Variants in RPP30 observed in about 807,000 individuals in gnomAD.
RPP30 encodes ribonuclease P protein subunit p30.
Under a neutral mutation model 38.6 loss-of-function variants are expected in RPP30, and 36 were observed. The observed-to-expected ratio is 0.93, with a 90% CI of 0.71 to 1.23. The LOEUF (loss-of-function observed/expected upper bound fraction) is 1.23. Among genes scored for constraint, RPP30 ranks in the 50% most tolerant of loss-of-function variants. The pLI is 0.00. For synonymous variants in RPP30, 126 were observed against 112.7 expected (o/e 1.12, Z -0.75); for missense variants, 321 against 321.7 (o/e 1.00, Z 0.02).
At chr10:90,905,838 T>C (rs1333004421), downstream of RPP30, 2 of 152,226 alleles carry the variant, frequency 1.3e-5, no homozygotes, top group Non-Finnish European at 2.9e-5. Flanking sequence ...AATAACTGGT[T>C]AATTATAAAG....
At chr10:90,904,898 A>C (rs912444329), downstream of RPP30, among the ~76,000 whole-genome samples, 4 of 152,208 alleles carry the variant, frequency 2.6e-5, no homozygotes, top group African/African-American at 9.6e-5. Context: ...TTTAGGAAAA[A>C]ACTAAGTCAA....
At chr10:90,904,808 T>C (rs550918885), downstream of RPP30, among the ~76,000 whole-genome samples, 2 of 152,078 alleles carry the variant, frequency 1.3e-5, no homozygotes, top group Admixed American at 6.5e-5. Flanking sequence ...TGAGACTCTG[T>C]CTAAAAAAAA....
chr10:90,889,771 G>A lies in RPP30; in HGVS notation c.432+3870G>A, dbSNP rs1847051381. On this transcript the variant is annotated intron_variant, in intron 6 of 10. Transcript: ENST00000371703. ...CTATAGCATACCAAACACTCCATTT[G>A]TGTACTTTGCAGCTCTTTTCCCTTT... is the stretch of plus-strand genomic sequence containing the variant. 2.6e-5 allele frequency among the ~76,000 whole-genome samples: 4 copies of A among 152,146 alleles called. No homozygotes were observed. The South Asian group carries it at 6.2e-4, about 24-fold the overall frequency.
downstream of RPP30, among the ~76,000 whole-genome samples, chr10:90,904,420 C>T (rs1847232101): frequency 6.6e-6 from 1 of 152,178 alleles, no homozygotes; most frequent in African/African-American, 2.4e-5. Flanking sequence ...CTCTCTGTGC[C>T]TCGCTTCATC....
chr10:90,896,442 C>T, intron 10 of RPP30, 50 bp downstream of exon 10: 2 of 1,437,958 alleles, frequency 1.4e-6, no homozygotes, highest in Non-Finnish European at 9.8e-7. Context: ...AAAAGCAAGT[C>T]ATTTTTACAG....
downstream of RPP30, among the ~76,000 whole-genome samples, chr10:90,903,679 A>C (rs1382680769): frequency 1.3e-5 from 2 of 152,222 alleles, no homozygotes; most frequent in Admixed American, 6.5e-5. Context: ...GTTAGAATGA[A>C]CCACTAATTT....
In RPP30 at chr10:90,885,803, T is replaced by C; in HGVS notation, c.343-9T>C. On this transcript the variant is annotated splice_polypyrimidine_tract_variant and intron_variant, in intron 5 of 10. Coordinates refer to ENST00000371703, the MANE Select transcript of RPP30 (RefSeq NM_006413.5). ...CTTTTGGCCTTACCTATTTTTTTCT[T>C]CTTTACAGATTGCTTGCACACATTT... 1 of 1,601,944 alleles carries C rather than the reference T, an allele frequency of 6.2e-7. No individual in the cohort carries two copies. Among genetic ancestry groups the C allele is most frequent in the South Asian group, 1.1e-5 (1 of 89,804 alleles).
At chr10:90,903,041 A>G (rs1322252788), downstream of RPP30, 2 of 646,872 alleles carry the variant, frequency 3.1e-6, no homozygotes, top group Non-Finnish European at 5.6e-6. Context: ...CGGGAAAACT[A>G]AGTCAACACT....
rs1330938824 is a variant in RPP30, at chr10:90,875,072, G to A, written c.138+148G>A. 63 of 491,162 alleles carry A rather than the reference G, an allele frequency of 1.3e-4. 1 individual carries two copies. The highest frequency in any genetic ancestry group is 2.0e-5 in the African/African-American group (1 of 50,178). 30.4% of individuals were successfully genotyped at this position (491,162 alleles called of 1,614,324 possible). A position where few individuals can be genotyped will look rare whatever the true frequency, so the allele number is the denominator to read the frequency against. ...TTTTCTATTTTATATAGAAACAGTC[G>A]AGCTGATGCATATTTATACAATGAT... is the stretch of plus-strand genomic sequence containing the variant. On this transcript the variant is annotated intron_variant, in intron 2 of 10. Coordinates refer to ENST00000371703, the MANE Select transcript of RPP30 (RefSeq NM_006413.5).
intron 6 of RPP30, among the ~76,000 whole-genome samples, chr10:90,893,134 A>G (rs1186698018): frequency 6.6e-6 from 1 of 152,244 alleles, no homozygotes; most frequent in Non-Finnish European, 1.5e-5. Context: ...TAACCAAACT[A>G]GAATCAGACA....
At chr10:90,875,052 T>C (rs2120180945) in intron 2 of RPP30, 128 bp downstream of exon 2, 1 of 514,012 alleles carries the variant, frequency 1.9e-6, no homozygotes, top group East Asian at 3.2e-5. Context: ...ACTACTTTTC[T>C]ATTTTATATA....
intron 6 of RPP30, among the ~76,000 whole-genome samples, chr10:90,889,694 G>A (rs114196707): frequency 6.6e-6 from 1 of 152,262 alleles, no homozygotes; most frequent in African/African-American, 2.4e-5. Context: ...CAGATGCCAT[G>A]TGAGAATCAT....
chr10:90,877,353 T>G (rs1846866342), intron 4 of RPP30, among the ~76,000 whole-genome samples: 1 of 151,730 alleles, frequency 6.6e-6, no homozygotes, highest in South Asian at 2.1e-4. Context: ...CAATTAAAGA[T>G]GGTGCTTTGG....
downstream of RPP30, among the ~76,000 whole-genome samples, chr10:90,906,547 AGAGT>A (rs1847256514): frequency 1.3e-5 from 2 of 152,196 alleles, no homozygotes; most frequent in African/African-American, 4.8e-5. Flanking sequence ...TTGAAAGAGG[AGAGT>A]GAGTTGATCA....
intron 1 of RPP30, among the ~76,000 whole-genome samples, 181 bp from the exon 2 acceptor site, chr10:90,874,688 T>C (rs1846827571): frequency 6.6e-6 from 1 of 152,202 alleles, no homozygotes; most frequent in African/African-American, 2.4e-5. Context: ...AAACTTCATG[T>C]TAAGTAACTT....
intron 6 of RPP30, among the ~76,000 whole-genome samples, chr10:90,891,237 G>C (rs1847078317): frequency 6.6e-6 from 1 of 152,108 alleles, no homozygotes; most frequent in Non-Finnish European, 1.5e-5. Context: ...TTTAGCTTTT[G>C]GTGATTTTCT....
At chr10:90,895,400 A>G in intron 7 of RPP30, 54 bp from the exon 8 acceptor site, 2 of 1,019,254 alleles carry the variant, frequency 2.0e-6, no homozygotes, top group South Asian at 1.7e-5. Context: ...ATATTATGAA[A>G]CTCCTTTTTT....
At chr10:90,874,529 C>T (rs1846825263) in intron 1 of RPP30, among the ~76,000 whole-genome samples, 1 of 152,212 alleles carries the variant, frequency 6.6e-6, no homozygotes, top group South Asian at 2.1e-4. Flanking sequence ...TCTTTAGTAT[C>T]ATTTTAATAA....
In RPP30 at chr10:90,872,004, T is replaced by C; in HGVS notation, c.18T>C (p.Asp6=). Residue 6 remains aspartate, a synonymous_variant, in exon 1 of 11, where the codon GAT becomes GAC. Transcript: ENST00000371703. The part of the protein sequence containing the change: MAVFA[D]LDLRAGSDLK... Reference sequence around the variant, plus strand: ...ACTTCAGCATGGCGGTGTTTGCAGATTTGGACCTGCGAGCGGGTTCTGACC... The same window carrying C: ...ACTTCAGCATGGCGGTGTTTGCAGACTTGGACCTGCGAGCGGGTTCTGACC... 1 of 1,614,006 alleles carries C rather than the reference T, an allele frequency of 6.2e-7. No individual in the cohort carries two copies. Among genetic ancestry groups the C allele is most frequent in the Non-Finnish European group, 8.5e-7 (1 of 1,179,926 alleles).
Sources: gnomAD v4.1 joint callset for allele counts (sites outside exome capture counted in the v4.1 genomes callset) on GRCh38, gnomAD v4.1.1 for gene constraint, MANE v1.5 for transcripts, NCBI Gene and HGNC (gene_info 2026-07-23, HGNC 2026-07-21) for gene names.